The following FAM124B variants were observed in gnomAD, a reference collection of about 807,000 sequenced individuals.
The protein encoded by FAM124B is protein FAM124B.
Under a neutral mutation model 19.7 loss-of-function variants are expected in FAM124B, and 18 were observed. The observed-to-expected ratio is 0.92, with a 90% CI of 0.63 to 1.36. FAM124B has a LOEUF of 1.36. Ranked by LOEUF, FAM124B falls within the 40% of genes most tolerant of loss-of-function variation. The pLI, the probability that FAM124B is intolerant of heterozygous loss-of-function variation, is 0.00. For synonymous variants in FAM124B, 223 were observed against 225.2 expected, an observed-to-expected ratio of 0.99 and a Z score of 0.09; for missense variants, 540 against 553.3, an observed-to-expected ratio of 0.98 and a Z score of 0.24.
chr2:224,380,138 C>T lies in FAM124B; in HGVS notation c.803G>A (p.Arg268Lys). ...CCTCTTTGCAGAGACAGAAGTCAGC[C>T]TGGAGCCCAGGGGAAGCATGCCAGC... ...LGAGMLPLGS[R>K]LTSVSAKRTS... Residue 268 changes from arginine (R) to lysine (K), a missense_variant, in exon 2 of 2, where the codon AGG becomes AAG. Coordinates refer to ENST00000409685, the MANE Select transcript of FAM124B (RefSeq NM_001122779.2). 1 of 1,551,658 alleles carries T rather than the reference C, an allele frequency of 6.4e-7. No homozygotes were observed. The highest frequency in any genetic ancestry group is 8.7e-7 in the Non-Finnish European group (1 of 1,146,972).
chr2:224,401,207 G>A lies in FAM124B; in HGVS notation c.562C>T (p.Leu188=), dbSNP rs754381768. 6.2e-7 allele frequency: 1 copy of A among 1,614,198 alleles called. No homozygotes were observed. The highest frequency in any genetic ancestry group is 8.5e-7 in the Non-Finnish European group (1 of 1,180,044). Residue 188 remains leucine, a synonymous_variant, in exon 1 of 2, where the codon CTG becomes TTG. Transcript: ENST00000409685. ...ASKSFALQLS[L]KQLPPGMSVD... The stretch of plus-strand genomic sequence containing the variant: ...GACATTCCCGGGGGCAGCTGCTTCA[G>A]GGAGAGCTGCAGAGCAAAGCTCTTG...
chr2:224,382,770 C>G (rs2216460), intron 1 of FAM124B, among the ~76,000 whole-genome samples: 2 of 151,814 alleles, frequency 1.3e-5, no homozygotes, highest in Admixed American at 1.3e-4. Flanking sequence ...ATCTAATTAG[C>G]GCAGCCCTGG....
chr2:224,392,754 C>CAA (rs1397211946), intron 1 of FAM124B, among the ~76,000 whole-genome samples: 163 of 131,142 alleles, frequency 1.2e-3, no homozygotes, highest in African/African-American at 3.9e-3. Context: ...GACTCTGTCT[C>CAA]AAAAAAAAAA....
At chr2:224,384,571 C>T (rs983420629) in intron 1 of FAM124B, among the ~76,000 whole-genome samples, 2 of 152,216 alleles carry the variant, frequency 1.3e-5, no homozygotes, top group African/African-American at 4.8e-5. Context: ...TCCCAGGCTA[C>T]CCGCCAGTCT....
chr2:224,397,745 GC>G (rs1315645987), intron 1 of FAM124B, among the ~76,000 whole-genome samples: 1 of 152,180 alleles, frequency 6.6e-6, no homozygotes, highest in Non-Finnish European at 1.5e-5. Context: ...GCGGCATTTT[GC>G]CCCTGCCCTA....
rs780648923 is a variant in FAM124B, at chr2:224,401,193, G to T, written c.576C>A (p.Pro192=). ...FALQLSLKQL[P]PGMSVDPKES... ...CTTTGGGGTCCACTGACATTCCCGG[G>T]GGCAGCTGCTTCAGGGAGAGCTGCA... Residue 192 remains proline, a synonymous_variant, in exon 1 of 2, where the codon CCC becomes CCA. Transcript: ENST00000409685. 1 of 1,614,134 alleles carries T rather than the reference G, an allele frequency of 6.2e-7. No individual in the cohort carries two copies. The highest frequency in any genetic ancestry group is 8.5e-7 in the Non-Finnish European group (1 of 1,180,026).
In FAM124B at chr2:224,397,142, T is replaced by G. The variant is rs373596806; in HGVS notation, c.732+3895A>C. 1.2e-3 allele frequency among the ~76,000 whole-genome samples: 188 copies of G among 152,358 alleles called. 4 individuals carry two copies. In the South Asian group the frequency reaches 0.038, roughly 31 times the overall value. On this transcript the variant is annotated intron_variant, in intron 1 of 1. Transcript: ENST00000409685. ...AATTATAACTGCCACAATTCCCATG[T>G]GTCGTGGGAGGAACCCAGTGGGAGG...
chr2:224,395,883 T>A (rs759040105), intron 1 of FAM124B, among the ~76,000 whole-genome samples: 3 of 152,180 alleles, frequency 2.0e-5, no homozygotes, highest in Non-Finnish European at 4.4e-5. Context: ...TGCACCGCAG[T>A]TACATGGTCT....
chr2:224,395,733 G>A (rs1689958286), intron 1 of FAM124B, among the ~76,000 whole-genome samples: 2 of 152,034 alleles, frequency 1.3e-5, no homozygotes, highest in Non-Finnish European at 2.9e-5. Context: ...TGCTCATATC[G>A]CTGTCATCAA....
chr2:224,380,264 A>C (rs1463652289), intron 1 of FAM124B, 56 bp from the exon 2 acceptor site: 1 of 1,446,276 alleles, frequency 6.9e-7, no homozygotes, highest in African/African-American at 1.4e-5. Context: ...ACTAAGTGCC[A>C]AGAGCTGACT....
At chr2:224,392,615 C>T (rs1396008543) in intron 1 of FAM124B, among the ~76,000 whole-genome samples, 1 of 152,002 alleles carries the variant, frequency 6.6e-6, no homozygotes, top group Non-Finnish European at 1.5e-5. Flanking sequence ...ATTAGCCGGG[C>T]ATGATGGTGC....
chr2:224,389,033 A>T (rs951061320), intron 1 of FAM124B, among the ~76,000 whole-genome samples: 3 of 152,174 alleles, frequency 2.0e-5, no homozygotes, highest in Non-Finnish European at 4.4e-5. Context: ...CCCAGGCTCA[A>T]CCAATTCTCT....
At chr2:224,381,212 C>T (rs912304173) in intron 1 of FAM124B, among the ~76,000 whole-genome samples, 2 of 152,150 alleles carry the variant, frequency 1.3e-5, no homozygotes, top group Admixed American at 1.3e-4. Flanking sequence ...AATCCTAGCC[C>T]TTTGGGAAGC....
At chr2:224,400,217 C>T (rs989761635) in intron 1 of FAM124B, 7 of 403,056 alleles carry the variant, frequency 1.7e-5, no homozygotes, top group Non-Finnish European at 3.1e-5. Flanking sequence ...GTGTAACAAA[C>T]CTGCACTTTG....
At chr2:224,384,849 C>T (rs1472056018) in intron 1 of FAM124B, among the ~76,000 whole-genome samples, 1 of 152,142 alleles carries the variant, frequency 6.6e-6, no homozygotes, top group East Asian at 1.9e-4. Context: ...TCTTGGTGAC[C>T]CTGACCTATC....
chr2:224,397,641 T>C lies in FAM124B; in HGVS notation c.732+3396A>G, dbSNP rs143683677. 3.6e-3 allele frequency among the ~76,000 whole-genome samples: 552 copies of C among 152,278 alleles called. 5 individuals carry two copies. The highest frequency in any genetic ancestry group is 0.013 in the African/African-American group (530 of 41,538). On this transcript the variant is annotated intron_variant, in intron 1 of 1. Transcript: ENST00000409685. ...AAAATGCTGATAGTGATATGAACAATAAGGTCTAGGCTGAGGTGGTCTTAG... is the reference window on the plus strand; with the variant it reads ...AAAATGCTGATAGTGATATGAACAACAAGGTCTAGGCTGAGGTGGTCTTAG...
intron 1 of FAM124B, among the ~76,000 whole-genome samples, chr2:224,390,999 G>A (rs1344528739): frequency 1.3e-5 from 2 of 148,662 alleles, no homozygotes; most frequent in East Asian, 4.2e-4. Flanking sequence ...CACCGCGCCC[G>A]GCCAACAAAC....
intron 1 of FAM124B, among the ~76,000 whole-genome samples, chr2:224,380,547 T>C (rs1209691481): frequency 1.3e-5 from 2 of 152,146 alleles, no homozygotes; most frequent in Non-Finnish European, 2.9e-5. Flanking sequence ...TCACTGGATG[T>C]TGTAAATGAT....
chr2:224,382,251 G>A (rs1689733612), intron 1 of FAM124B, among the ~76,000 whole-genome samples: 1 of 152,138 alleles, frequency 6.6e-6, no homozygotes. Context: ...ATGAATGGCT[G>A]TGTTCAGTAA....
Sources: allele counts gnomAD v4.1 joint callset (sites outside exome capture counted in the v4.1 genomes callset), GRCh38; gene constraint gnomAD v4.1.1; transcripts MANE v1.5; gene names NCBI Gene and HGNC (gene_info 2026-07-23, HGNC 2026-07-21).